Variants in ITGBL1 observed in about 807,000 individuals in gnomAD.
ITGBL1 encodes integrin subunit beta like 1, also known as integrin beta-like protein 1.
In ITGBL1, 51 loss-of-function variants were observed where a neutral mutation model predicts 68.5. That is an observed-to-expected ratio of 0.74 (90% CI 0.59 to 0.94). ITGBL1 has a LOEUF of 0.94. ITGBL1 is among the 40% of genes least tolerant of loss of function. The probability of loss-of-function intolerance (pLI) is 0.00; values close to 1 mark genes in which losing one functional copy is unlikely to be tolerated. For synonymous variants in ITGBL1, 209 were observed against 227.3 expected, an observed-to-expected ratio of 0.92 and a Z score of 0.72; for missense variants, 649 against 647.4, an observed-to-expected ratio of 1.00 and a Z score of -0.03.
intron 2 of ITGBL1, among the ~76,000 whole-genome samples, chr13:101,518,885 C>T (rs1327770524): frequency 6.6e-6 from 1 of 152,136 alleles, no homozygotes; most frequent in Non-Finnish European, 1.5e-5. Context: ...GAGGAAACTG[C>T]TCAAATCACT....
chr13:101,575,132 G>T (rs2050335538), intron 3 of ITGBL1, among the ~76,000 whole-genome samples: 1 of 152,020 alleles, frequency 6.6e-6, no homozygotes, highest in Non-Finnish European at 1.5e-5. Context: ...TTCATGCATT[G>T]GTTGGATGGC....
At chr13:101,687,879 C>A (rs917185945) in intron 7 of ITGBL1, among the ~76,000 whole-genome samples, 3 of 151,864 alleles carry the variant, frequency 2.0e-5, no homozygotes, top group African/African-American at 7.3e-5. Context: ...ATTTTTATTT[C>A]TTTGGGTATC....
At chr13:101,666,001 C>A (rs1349807417) in intron 7 of ITGBL1, among the ~76,000 whole-genome samples, 2 of 152,108 alleles carry the variant, frequency 1.3e-5, no homozygotes, top group Admixed American at 6.5e-5. Flanking sequence ...ATATAACCTC[C>A]TCATTTTACC....
Position 101,680,684 on chromosome 13 carries a change from C to G in ITGBL1, c.1016-11901C>G, listed in dbSNP as rs1455548572. Among the ~76,000 whole-genome samples the G allele has an allele frequency of 2.0e-5, 3 of 152,036 alleles. No individual in the cohort carries two copies. The East Asian group carries it at 5.8e-4, about 29-fold the overall frequency. ...GTTGAACACATACTATGTGCCAAGC[C>G]CTGTACTGTGTAGTTTGTACACATT... On this transcript the variant is annotated intron_variant, in intron 7 of 10. Transcript: ENST00000376180.
chr13:101,519,751 A>G (rs1269317068), intron 2 of ITGBL1, among the ~76,000 whole-genome samples: 2 of 152,180 alleles, frequency 1.3e-5, no homozygotes, highest in Non-Finnish European at 2.9e-5. Context: ...ATTAGATAAT[A>G]TATGTAAAGC....
Position 101,459,858 on chromosome 13 carries a change from T to C in ITGBL1, c.316+5758T>C, listed in dbSNP as rs188662455. Reference sequence around the variant, plus strand: ...TAATTAGAATACATTGAAACATTTTTAATATGTAAAAATTAGTAATTTTTT... The same window carrying C: ...TAATTAGAATACATTGAAACATTTTCAATATGTAAAAATTAGTAATTTTTT... On this transcript the variant is annotated intron_variant, in intron 2 of 10. Transcript: ENST00000376180. Among the ~76,000 whole-genome samples, 424 of 152,362 alleles carry C rather than the reference T, an allele frequency of 2.8e-3. 1 individual carries two copies. Among genetic ancestry groups the C allele is most frequent in the African/African-American group, 9.6e-3 (400 of 41,588 alleles).
intron 7 of ITGBL1, among the ~76,000 whole-genome samples, chr13:101,670,472 A>G (rs2033330854): frequency 6.6e-6 from 1 of 152,188 alleles, no homozygotes; most frequent in South Asian, 2.1e-4. Flanking sequence ...TAGGTTTTTC[A>G]TTAGTGAGGG....
At chr13:101,587,437 G>A (rs1230505130) in intron 6 of ITGBL1, among the ~76,000 whole-genome samples, 1 of 152,124 alleles carries the variant, frequency 6.6e-6, no homozygotes, top group African/African-American at 2.4e-5. Context: ...CACAATTTGA[G>A]TGTGACTGAA....
At chr13:101,681,039 A>G (rs1270751117) in intron 7 of ITGBL1, among the ~76,000 whole-genome samples, 2 of 152,154 alleles carry the variant, frequency 1.3e-5, no homozygotes, top group Admixed American at 1.3e-4. Flanking sequence ...GTGTTAAAAC[A>G]TCCTTCTTTC....
At chr13:101,510,360 G>A (rs2049095770) in intron 2 of ITGBL1, among the ~76,000 whole-genome samples, 1 of 152,008 alleles carries the variant, frequency 6.6e-6, no homozygotes, top group Admixed American at 6.6e-5. Context: ...TTATGGTTGT[G>A]TAGTATTCTA....
chr13:101,591,446 A>C (rs1343682522), intron 6 of ITGBL1, among the ~76,000 whole-genome samples: 1 of 152,202 alleles, frequency 6.6e-6, no homozygotes, highest in Non-Finnish European at 1.5e-5. Context: ...ATGATCAACA[A>C]ATGAGCATCT....
At chr13:101,704,484 T>TTAAAAA (rs66763843) in intron 8 of ITGBL1, among the ~76,000 whole-genome samples, 8 of 105,370 alleles carry the variant, frequency 7.6e-5, no homozygotes, top group African/African-American at 3.0e-4. Flanking sequence ...ATTCATTCAG[T>TTAAAAA]AAAAAAAAAA....
intron 7 of ITGBL1, among the ~76,000 whole-genome samples, chr13:101,633,869 A>G (rs937978930): frequency 1.2e-4 from 18 of 152,176 alleles, no homozygotes; most frequent in Non-Finnish European, 2.6e-4. Flanking sequence ...TCATCACAAT[A>G]ATGGTTACAT....
At chr13:101,668,112 G>T (rs866712557) in intron 7 of ITGBL1, among the ~76,000 whole-genome samples, 1 of 152,286 alleles carries the variant, frequency 6.6e-6, no homozygotes, top group South Asian at 2.1e-4. Context: ...CTTAGGCCAG[G>T]TGCAGTTGCT....
chr13:101,705,047 A>T (rs1160686655), intron 8 of ITGBL1, among the ~76,000 whole-genome samples: 1 of 152,132 alleles, frequency 6.6e-6, no homozygotes, highest in South Asian at 2.1e-4. Context: ...TTTTTCTTGC[A>T]GATTTAGTAG....
At chr13:101,708,564 A>G (rs1346842999) in intron 9 of ITGBL1, among the ~76,000 whole-genome samples, 4 of 152,212 alleles carry the variant, frequency 2.6e-5, no homozygotes, top group Non-Finnish European at 5.9e-5. Flanking sequence ...TCTCTGAAGC[A>G]AGATGTGCCG....
In ITGBL1 at chr13:101,653,855, C is replaced by CTTTTTTTTTTTTTTT. The variant is rs1336554587; in HGVS notation, c.1016-38723_1016-38722insTTTTTTTTTTTTTTT. ...AGGTGCGCACCACCATGCCCAGCTA[C>CTTTTTTTTTTTTTTT]TTTTTTTGTTTTTTGTTTTTTTTTT... On this transcript the variant is annotated intron_variant, in intron 7 of 10. Transcript: ENST00000376180. Among the ~76,000 whole-genome samples, 4 of 104,644 alleles carry CTTTTTTTTTTTTTTT rather than the reference C, an allele frequency of 3.8e-5. 1 individual carries two copies. The highest frequency in any genetic ancestry group is 6.2e-5 in the Non-Finnish European group (3 of 48,254). The allele number at this position is 104,644 out of a possible 152,430, so 68.7% of individuals were successfully genotyped here. A position where few individuals can be genotyped will look rare whatever the true frequency, so the allele number is the denominator to read the frequency against.
At chr13:101,708,820 C>T (rs532809673) in intron 9 of ITGBL1, among the ~76,000 whole-genome samples, 23 of 152,316 alleles carry the variant, frequency 1.5e-4, no homozygotes, top group Admixed American at 3.9e-4. Flanking sequence ...GAGGCCATGC[C>T]ATCAACCTAA....
intron 7 of ITGBL1, among the ~76,000 whole-genome samples, chr13:101,682,989 G>T (rs1245424371): frequency 6.6e-6 from 1 of 152,044 alleles, no homozygotes; most frequent in Non-Finnish European, 1.5e-5. Context: ...TGTAAGGAGT[G>T]AAGTAAAGGA....
Sources: allele counts gnomAD v4.1 joint callset (sites outside exome capture counted in the v4.1 genomes callset), GRCh38; gene constraint gnomAD v4.1.1; transcripts MANE v1.5; gene names NCBI Gene and HGNC (gene_info 2026-07-23, HGNC 2026-07-21).